ERBB4: variants seen among roughly 807,000 people sequenced by gnomAD.
ERBB4 encodes the protein erb-b2 receptor tyrosine kinase 4.
Under a neutral mutation model 158.0 loss-of-function variants are expected in ERBB4, and 42 were observed. That is an observed-to-expected ratio of 0.27 (90% CI 0.21 to 0.34). ERBB4 has a LOEUF of 0.34. ERBB4 is among the 10% of genes least tolerant of loss of function. The pLI is 1.00. For synonymous variants in ERBB4, 583 were observed against 558.7 expected (o/e 1.04, Z -0.61); for missense variants, 1,333 against 1,624.1 (o/e 0.82, Z 3.08).
intron 1 of ERBB4, among the ~76,000 whole-genome samples, chr2:212,329,482 A>G (rs551125517): frequency 6.6e-6 from 1 of 152,092 alleles, no homozygotes; most frequent in Non-Finnish European, 1.5e-5. Flanking sequence ...GTTTTTAAAG[A>G]AAGATTTCTG....
At chr2:211,453,996 C>A (rs935027445) in intron 20 of ERBB4, among the ~76,000 whole-genome samples, 2 of 152,256 alleles carry the variant, frequency 1.3e-5, no homozygotes, top group East Asian at 3.9e-4. Context: ...CTACATAAAT[C>A]TAATTTTCAT....
chr2:211,636,935 G>C (rs759677891), intron 16 of ERBB4, among the ~76,000 whole-genome samples: 3 of 151,832 alleles, frequency 2.0e-5, no homozygotes, highest in African/African-American at 7.2e-5. Context: ...ACATTCACAC[G>C]AAAGTGTCTT....
intron 19 of ERBB4, among the ~76,000 whole-genome samples, chr2:211,607,622 T>A (rs1304848229): frequency 6.6e-6 from 1 of 152,158 alleles, no homozygotes; most frequent in East Asian, 1.9e-4. Context: ...GTGCTCATTT[T>A]TTTTCTAATC....
intron 7 of ERBB4, 58 bp downstream of exon 7, chr2:211,722,334 AT>A (rs2074126617): frequency 1.5e-6 from 2 of 1,376,134 alleles, no homozygotes; most frequent in Non-Finnish European, 2.1e-6. Flanking sequence ...CTTACATAAA[AT>A]TCTTTTGATT....
chr2:212,259,000 A>T (rs1037125302), intron 1 of ERBB4, among the ~76,000 whole-genome samples: 27 of 152,252 alleles, frequency 1.8e-4, no homozygotes, highest in African/African-American at 3.6e-4. Context: ...ATACATTTTT[A>T]AAAAAAGATT....
At chr2:212,163,832 T>C (rs533998399) in intron 1 of ERBB4, among the ~76,000 whole-genome samples, 118 of 152,132 alleles carry the variant, frequency 7.8e-4, no homozygotes, top group Non-Finnish European at 1.4e-3. Context: ...TCACTGTGTC[T>C]CCCAGGCTGG....
chr2:212,439,908 A>T (rs1006245871), intron 1 of ERBB4, among the ~76,000 whole-genome samples: 1 of 152,194 alleles, frequency 6.6e-6, no homozygotes, highest in African/African-American at 2.4e-5. Context: ...GTATAGTAGC[A>T]TGGTAAATCA....
At chr2:211,617,529 G>A (rs1304080230) in intron 19 of ERBB4, among the ~76,000 whole-genome samples, 2 of 152,052 alleles carry the variant, frequency 1.3e-5, no homozygotes, top group Non-Finnish European at 2.9e-5. Context: ...ATAGATGCCG[G>A]TAGATATGCA....
chr2:212,378,103 G>A (rs1375211803), intron 1 of ERBB4, among the ~76,000 whole-genome samples: 2 of 151,788 alleles, frequency 1.3e-5, no homozygotes, highest in African/African-American at 4.8e-5. Flanking sequence ...CACGCATGGT[G>A]TTGCCACAAC....
chr2:211,563,924 T>C (rs2067478031), intron 19 of ERBB4, among the ~76,000 whole-genome samples: 1 of 152,220 alleles, frequency 6.6e-6, no homozygotes, highest in Non-Finnish European at 1.5e-5. Context: ...GTGTTCATTG[T>C]ATTACTCTTG....
rs150063634 is a variant in ERBB4 at position 212,028,634 on chromosome 2, CATT to C, written c.235-81021_235-81019del. 5.3e-4 allele frequency among the ~76,000 whole-genome samples: 81 copies of C among 152,168 alleles called. 1 individual carries two copies. The highest frequency in any genetic ancestry group is 3.4e-3 in the Middle Eastern group (1 of 294). ...GCTAACAGACTGCACGCAGGCAAAA[CATT>C]AATCAAAACTGTGAAATAGTTTCCC... On this transcript the variant is annotated intron_variant, in intron 2 of 27. Transcript: ENST00000342788.
chr2:211,420,483 T>C lies in ERBB4; in HGVS notation c.3093A>G (p.Pro1031=), dbSNP rs777414087. ...EYLVPQAFNI[P]PPIYTSRARI... Reference sequence around the variant, plus strand: ...TTGCTCTGGAAGTATAGATGGGAGGTGGGATGTTGAAAGCCTGAGGGACCA... The same window carrying C: ...TTGCTCTGGAAGTATAGATGGGAGGCGGGATGTTGAAAGCCTGAGGGACCA... The change falls in exon 25 of 28, where the codon CCA becomes CCG. Residue 1031 remains proline, a synonymous_variant. Coordinates refer to ENST00000342788, the MANE Select transcript of ERBB4 (RefSeq NM_005235.3). The C allele has an allele frequency of 1.2e-6, 2 of 1,612,550 alleles. No individual in the cohort carries two copies. The highest frequency in any genetic ancestry group is 1.7e-6 in the Non-Finnish European group (2 of 1,178,936).
At chr2:212,482,561 A>G (rs1245931358) in intron 1 of ERBB4, among the ~76,000 whole-genome samples, 1 of 152,210 alleles carries the variant, frequency 6.6e-6, no homozygotes, top group Admixed American at 6.5e-5. Flanking sequence ...CCTTAGGAGA[A>G]ATTTAACAAG....
At chr2:212,296,808 T>C (rs1040478762) in intron 1 of ERBB4, among the ~76,000 whole-genome samples, 2 of 151,902 alleles carry the variant, frequency 1.3e-5, no homozygotes, top group Non-Finnish European at 2.9e-5. Context: ...GGGCATGAAA[T>C]TTATGAACAA....
chr2:211,428,245 T>A (rs987331866), intron 22 of ERBB4, among the ~76,000 whole-genome samples, 163 bp downstream of exon 22: 8 of 86,718 alleles, frequency 9.2e-5, no homozygotes, highest in Non-Finnish European at 1.9e-4. Context: ...AATAAAATAT[T>A]TTTTTTTCAT....
intron 25 of ERBB4, among the ~76,000 whole-genome samples, chr2:211,403,540 A>G (rs2063087344): frequency 6.6e-6 from 1 of 152,060 alleles, no homozygotes; most frequent in Non-Finnish European, 1.5e-5. Context: ...GACCCCACTA[A>G]ATACCTAAGT....
At chr2:211,810,574 C>A (rs59564944) in intron 3 of ERBB4, among the ~76,000 whole-genome samples, 44,445 of 151,384 alleles carry the variant, frequency 0.29, 6,924 homozygotes, top group East Asian at 0.4. Flanking sequence ...TTATTTTGAG[C>A]CTATGTGTGT....
intron 3 of ERBB4, among the ~76,000 whole-genome samples, chr2:211,945,998 G>A (rs1246838009): frequency 6.6e-5 from 10 of 151,710 alleles, no homozygotes; most frequent in South Asian, 2.1e-4. Flanking sequence ...AATTTCAATC[G>A]TTCAATTGTT....
At chr2:211,645,205 C>T in intron 16 of ERBB4, among the ~76,000 whole-genome samples, 1 of 151,624 alleles carries the variant, frequency 6.6e-6, no homozygotes, top group South Asian at 2.1e-4. Flanking sequence ...AAATTCATGC[C>T]AGTTATCCTT....
Sources: gnomAD v4.1 joint callset for allele counts (sites outside exome capture counted in the v4.1 genomes callset) on GRCh38, gnomAD v4.1.1 for gene constraint, MANE v1.5 for transcripts, NCBI Gene and HGNC (gene_info 2026-07-23, HGNC 2026-07-21) for gene names.